RIN2: variants seen among roughly 807,000 people sequenced by gnomAD.
RIN2 encodes RAB5 interacting protein 2.
A neutral mutation model predicts 78.0 loss-of-function variants in RIN2; 36 were observed. That is an observed-to-expected ratio of 0.46 (90% CI 0.35 to 0.61). The LOEUF (loss-of-function observed/expected upper bound fraction) is 0.61. Among genes scored for constraint, RIN2 ranks in the 20% least tolerant of loss-of-function variants. The pLI is 0.00. For missense variants in RIN2, 1,087 were observed against 1,159.7 expected, an observed-to-expected ratio of 0.94 and a Z score of 0.91; for synonymous variants, 466 against 466.8, an observed-to-expected ratio of 1.00 and a Z score of 0.02.
intron 3 of RIN2, among the ~76,000 whole-genome samples, chr20:19,894,278 G>A (rs898562148): frequency 3.3e-5 from 5 of 152,202 alleles, no homozygotes; most frequent in Admixed American, 2.6e-4. Context: ...TAGGGGCAGA[G>A]ATGCTCAAAG....
intron 1 of RIN2, among the ~76,000 whole-genome samples, chr20:19,768,650 T>G (rs1369608453): frequency 6.6e-6 from 1 of 152,236 alleles, no homozygotes; most frequent in African/African-American, 2.4e-5. Context: ...TGGATTGTTA[T>G]GAATAATTCA....
At chr20:20,000,532 T>C in intron 12 of RIN2, 81 bp from the exon 13 acceptor site, 2 of 1,145,026 alleles carry the variant, frequency 1.7e-6, no homozygotes, top group Non-Finnish European at 2.5e-6. Context: ...GGCTTACAGT[T>C]ACCCCCTCCC....
chr20:19,854,658 C>T (rs1391462962), intron 2 of RIN2, among the ~76,000 whole-genome samples: 5 of 152,152 alleles, frequency 3.3e-5, no homozygotes, highest in African/African-American at 1.2e-4. Flanking sequence ...AATGGTAGTT[C>T]ACTCATGATT....
chr20:19,956,855 GC>G, intron 5 of RIN2, 48 bp downstream of exon 5: 1 of 1,434,064 alleles, frequency 7.0e-7, no homozygotes, highest in Non-Finnish European at 9.3e-7. Flanking sequence ...CAGGACTGCT[GC>G]CGGCTTAAAG....
chr20:19,935,733 A>T (rs972414635), intron 4 of RIN2: 21 of 470,996 alleles, frequency 4.5e-5, no homozygotes, highest in African/African-American at 4.3e-4. Context: ...GTTGAAGGCG[A>T]TACCTGTGCA....
chr20:19,908,446 G>A (rs8124016), intron 3 of RIN2, among the ~76,000 whole-genome samples: 2 of 147,764 alleles, frequency 1.4e-5, no homozygotes, highest in African/African-American at 2.5e-5. Context: ...AGCTGAGATC[G>A]CACCACTGCA....
chr20:19,855,770 C>G lies in RIN2; in HGVS notation c.-36-33796C>G, dbSNP rs1211155604. 3.3e-5 allele frequency among the ~76,000 whole-genome samples: 5 copies of G among 152,014 alleles called. No homozygotes were observed. In the East Asian group the frequency reaches 9.6e-4, roughly 29 times the overall value. ...ACCGGAGGCTTGGGGGAAAAAAATCCCAGAGACAAAAATGAAACATCTTGG... is the reference window on the plus strand; with the variant it reads ...ACCGGAGGCTTGGGGGAAAAAAATCGCAGAGACAAAAATGAAACATCTTGG... On this transcript the variant is annotated intron_variant, in intron 2 of 12. Coordinates refer to ENST00000255006, the MANE Select transcript of RIN2 (RefSeq NM_018993.4).
At chr20:19,774,815 G>C (rs1011927080) in intron 1 of RIN2, among the ~76,000 whole-genome samples, 4 of 152,224 alleles carry the variant, frequency 2.6e-5, no homozygotes, top group Non-Finnish European at 4.4e-5. Flanking sequence ...CATTTCAGTG[G>C]AGCAAGAGTG....
intron 1 of RIN2, among the ~76,000 whole-genome samples, chr20:19,795,981 G>A (rs1240086185): frequency 2.6e-5 from 4 of 151,912 alleles, no homozygotes; most frequent in Admixed American, 1.3e-4. Context: ...GCAGTGAGCC[G>A]AGGTTGCACC....
chr20:19,913,864 T>G (rs777154876), intron 3 of RIN2, among the ~76,000 whole-genome samples: 2 of 152,254 alleles, frequency 1.3e-5, no homozygotes, highest in Non-Finnish European at 2.9e-5. Flanking sequence ...ACCTTTTGAC[T>G]GTGGGAAATA....
At chr20:19,789,433 T>C (rs2034816588) in intron 1 of RIN2, among the ~76,000 whole-genome samples, 1 of 152,328 alleles carries the variant, frequency 6.6e-6, no homozygotes, top group Middle Eastern at 3.4e-3. Context: ...TTCAATAGAA[T>C]TTCCTCTCCC....
chr20:19,907,991 C>T (rs1388495765), intron 3 of RIN2, among the ~76,000 whole-genome samples: 20 of 152,278 alleles, frequency 1.3e-4, no homozygotes, highest in Non-Finnish European at 2.5e-4. Flanking sequence ...AAGGCCCCTC[C>T]TTAAGGGGCA....
At chr20:19,853,843 G>A (rs1312234656) in intron 2 of RIN2, among the ~76,000 whole-genome samples, 1 of 152,126 alleles carries the variant, frequency 6.6e-6, no homozygotes, top group Non-Finnish European at 1.5e-5. Context: ...TGTTCACTCT[G>A]ATGATAGTTT....
chr20:19,824,925 T>C (rs1033866377), intron 2 of RIN2, among the ~76,000 whole-genome samples: 2 of 152,186 alleles, frequency 1.3e-5, no homozygotes, highest in Non-Finnish European at 2.9e-5. Context: ...TTGAATGTGA[T>C]GGCTCTCAGT....
chr20:19,852,316 T>G (rs2037008169), intron 2 of RIN2, among the ~76,000 whole-genome samples: 1 of 152,212 alleles, frequency 6.6e-6, no homozygotes. Flanking sequence ...AGGCTCCAGA[T>G]GGACTCCCAC....
Position 19,986,142 on chromosome 20 carries a change from T to G in RIN2, c.1763-3864T>G, listed in dbSNP as rs74530340. Among the ~76,000 whole-genome samples, 804 of 152,380 alleles carry G rather than the reference T, an allele frequency of 5.3e-3. 5 individuals are homozygous for G. The highest frequency in any genetic ancestry group is 0.018 in the African/African-American group (762 of 41,588). On this transcript the variant is annotated intron_variant, in intron 9 of 12. Coordinates refer to ENST00000255006, the MANE Select transcript of RIN2 (RefSeq NM_018993.4). ...GAAATGTGACCAATTTGTTCTTTCC[T>G]CTTTTGTCTGAGGTGGTTCATGTTA... is the stretch of plus-strand genomic sequence containing the variant.
intron 2 of RIN2, among the ~76,000 whole-genome samples, chr20:19,880,507 C>T (rs2037994952): frequency 6.8e-6 from 1 of 147,104 alleles, no homozygotes; most frequent in African/African-American, 2.5e-5. Flanking sequence ...GCGATTCTTC[C>T]ACATCATCCT....
At position 19,975,178 on chromosome 20, in the gene RIN2, G is replaced by A. The variant is rs6081830; in HGVS notation, c.1153G>A (p.Gly385Ser). The A allele has an allele frequency of 1.2e-6, 2 of 1,609,820 alleles. No homozygotes were observed. Among genetic ancestry groups the A allele is most frequent in the Non-Finnish European group, 1.7e-6 (2 of 1,178,526 alleles). ...CTTGAGCGGCGGCCGGCCGGGCGCAGGCCCGGAGCTGGAGCTGGGCACAGC... is the reference window on the plus strand; with the variant it reads ...CTTGAGCGGCGGCCGGCCGGGCGCAAGCCCGGAGCTGGAGCTGGGCACAGC... ...KTLSGGRPGA[G>S]PELELGTAGS... The change falls in exon 9 of 13, where the codon GGC (glycine) becomes AGC (serine). Residue 385 changes from glycine (G) to serine (S), a missense_variant. By Grantham distance (56) the Gly-to-Ser change is moderately conservative. This residue lies in a region of RIN2 where 706 missense variants were observed against 667.5 expected (regional missense o/e 1.06). Transcript: ENST00000255006. This position sits in a 1 kb window ranked among gnomAD's most constrained non-coding sequence, Gnocchi z 4.9.
intron 4 of RIN2, among the ~76,000 whole-genome samples, chr20:19,936,824 C>CT (rs2040663935): frequency 6.6e-6 from 1 of 152,184 alleles, no homozygotes; most frequent in African/African-American, 2.4e-5. Flanking sequence ...TGCTATGTTG[C>CT]TTAATTCATG....
Sources: gnomAD v4.1 joint callset for allele counts (sites outside exome capture counted in the v4.1 genomes callset) on GRCh38, gnomAD v4.1.1 for gene constraint, gnomAD v4.1.1 regional missense constraint, Gnocchi (gnomAD v3.1) non-coding constraint, MANE v1.5 for transcripts, NCBI Gene and HGNC (gene_info 2026-07-23, HGNC 2026-07-21) for gene names.